OVOL2: variants seen among roughly 807,000 people sequenced by gnomAD.
OVOL2 encodes the protein transcription factor Ovo-like 2.
Under a neutral mutation model 18.1 loss-of-function variants are expected in OVOL2, and 13 were observed. That is an observed-to-expected ratio of 0.72 (90% CI 0.47 to 1.14). The LOEUF (loss-of-function observed/expected upper bound fraction) is 1.14. OVOL2 is among the 50% of genes most tolerant of loss of function. OVOL2 has a pLI of 0.00. For synonymous variants in OVOL2, 166 were observed against 162.7 expected (o/e 1.02, Z -0.16); for missense variants, 335 against 383.0 (o/e 0.87, Z 1.05).
At position 18,056,698 on chromosome 20, in the gene OVOL2, G is replaced by T; in HGVS notation, c.280C>A (p.Leu94Met). The stretch of plus-strand genomic sequence containing the variant: ...GCGACCGGGCGCTGCTTGGTCGCCA[G>T]GTGTCCATCGGGGCCCTCGGCGTCG... ...PGDAEGPDGH[L>M]ATKQRPVARS... The change falls in exon 2 of 4, where the codon CTG (leucine) becomes ATG (methionine). Residue 94 changes from leucine (L) to methionine (M), a missense_variant. Transcript: ENST00000278780. This position sits in a 1 kb window ranked among gnomAD's most constrained non-coding sequence, Gnocchi z 4.2. 1 of 1,452,324 alleles carries T rather than the reference G, an allele frequency of 6.9e-7. No homozygotes were observed. 90.0% of individuals were successfully genotyped at this position (1,452,324 alleles called of 1,614,324 possible). A position where few individuals can be genotyped will look rare whatever the true frequency, so the allele number is the denominator to read the frequency against.
At chr20:18,042,727 GATCGGGCTATTGC>G (rs140617927) in intron 2 of OVOL2, among the ~76,000 whole-genome samples, 9,024 of 142,070 alleles carry the variant, frequency 0.064, 335 homozygotes, top group African/African-American at 0.092. Flanking sequence ...GGTGAGCCAA[GATCGGGCTATTGC>G]ATCCAGCCTG....
intron 3 of OVOL2, among the ~76,000 whole-genome samples, chr20:18,032,802 T>G (rs1053843132): frequency 6.6e-6 from 1 of 152,100 alleles, no homozygotes; most frequent in Non-Finnish European, 1.5e-5. Flanking sequence ...CCACCGCACC[T>G]AGCTCCAAGA....
At position 18,057,901 on chromosome 20, in the gene OVOL2, A is replaced by G. The variant is rs1238524503; in HGVS notation, c.-267T>C. 1.5e-6 allele frequency: 2 copies of G among 1,304,364 alleles called. No homozygotes were observed. The highest frequency in any genetic ancestry group is 1.9e-6 in the Non-Finnish European group (2 of 1,029,992). 80.8% of individuals were successfully genotyped at this position (1,304,364 alleles called of 1,614,324 possible). A position where few individuals can be genotyped will look rare whatever the true frequency, so the allele number is the denominator to read the frequency against. On this transcript the variant is annotated 5_prime_UTR_variant, in exon 1 of 4. Coordinates refer to ENST00000278780, the MANE Select transcript of OVOL2 (RefSeq NM_021220.4). The surrounding 1 kb of genome is among the most constrained non-coding windows in gnomAD (Gnocchi z 6.3). ...AAAGTTTCATAAGGTGGAATAGAAA[A>G]GGCACCAGGAAACTTGGGACTGAGC...
intron 3 of OVOL2, among the ~76,000 whole-genome samples, chr20:18,028,159 T>G (rs1420032379): frequency 6.6e-6 from 1 of 151,938 alleles, no homozygotes; most frequent in Non-Finnish European, 1.5e-5. Context: ...GAAGCTGTAG[T>G]TTTATTTTTA....
intron 2 of OVOL2, among the ~76,000 whole-genome samples, chr20:18,043,763 C>A (rs1009294088): frequency 6.6e-6 from 1 of 152,192 alleles, no homozygotes; most frequent in African/African-American, 2.4e-5. Flanking sequence ...CTTTCTACCA[C>A]CTTCGCTGCT....
chr20:18,041,525 C>T lies in OVOL2; in HGVS notation c.511+9G>A. Reference sequence around the variant, plus strand: ...AAAACAGAGAACAAAGCACGCACTCCCCGCTCACCTGTGTGTGTGCGGACG... The same window carrying T: ...AAAACAGAGAACAAAGCACGCACTCTCCGCTCACCTGTGTGTGTGCGGACG... On this transcript the variant is annotated intron_variant, in intron 3 of 3. Transcript: ENST00000278780. The T allele has an allele frequency of 6.2e-7, 1 of 1,601,690 alleles. No homozygotes were observed.
intron 3 of OVOL2, among the ~76,000 whole-genome samples, chr20:18,038,016 C>T (rs528189035): frequency 9.8e-4 from 149 of 152,340 alleles, no homozygotes; most frequent in Non-Finnish European, 1.5e-3. Flanking sequence ...CATCCTTCAA[C>T]GCCCAGCTGA....
chr20:18,027,045 C>T (rs914578456), intron 3 of OVOL2, among the ~76,000 whole-genome samples: 1 of 152,114 alleles, frequency 6.6e-6, no homozygotes, highest in Non-Finnish European at 1.5e-5. Context: ...CAAATCTCAG[C>T]ATCATGCAAT....
chr20:18,043,325 G>C (rs547160512), intron 2 of OVOL2, among the ~76,000 whole-genome samples: 1 of 152,360 alleles, frequency 6.6e-6, no homozygotes, highest in African/African-American at 2.4e-5. Context: ...CTTATGACCA[G>C]TTGGATCAAC....
intron 2 of OVOL2, among the ~76,000 whole-genome samples, chr20:18,042,272 G>A (rs1290237767): frequency 6.6e-6 from 1 of 152,060 alleles, no homozygotes; most frequent in Non-Finnish European, 1.5e-5. Flanking sequence ...ACTTCTAGCT[G>A]GGCATACTGT....
chr20:18,040,875 A>C (rs1449741794), intron 3 of OVOL2, among the ~76,000 whole-genome samples: 1 of 152,198 alleles, frequency 6.6e-6, no homozygotes, highest in Non-Finnish European at 1.5e-5. Context: ...AGAAGTATAA[A>C]ATACTCATTG....
chr20:18,035,993 A>G (rs2122701157), intron 3 of OVOL2, among the ~76,000 whole-genome samples: 1 of 152,330 alleles, frequency 6.6e-6, no homozygotes, highest in Non-Finnish European at 1.5e-5. Flanking sequence ...TAAAATCCAT[A>G]TTAAAAATTG....
intron 2 of OVOL2, among the ~76,000 whole-genome samples, chr20:18,052,396 C>A (rs975621473): frequency 6.6e-6 from 1 of 152,092 alleles, no homozygotes; most frequent in Non-Finnish European, 1.5e-5. Flanking sequence ...TGGGTGTGAT[C>A]ATGAATTTTG....
At chr20:18,055,641 G>A (rs1036150477) in intron 2 of OVOL2, among the ~76,000 whole-genome samples, 2 of 152,202 alleles carry the variant, frequency 1.3e-5, no homozygotes, top group African/African-American at 4.8e-5. Flanking sequence ...ACCTCTCCCA[G>A]GAAAATGAGG....
intron 3 of OVOL2, among the ~76,000 whole-genome samples, chr20:18,033,139 C>T (rs184256685): frequency 2.4e-4 from 37 of 152,346 alleles, no homozygotes; most frequent in Admixed American, 1.6e-3. Context: ...TCTAGTCAAT[C>T]CTTCCCTTTG....
intron 3 of OVOL2, among the ~76,000 whole-genome samples, chr20:18,034,723 A>T (rs1215015726): frequency 1.3e-5 from 2 of 151,622 alleles, no homozygotes. Flanking sequence ...AAGAAGTCCT[A>T]ATCTTTTCTT....
chr20:18,026,993 G>A (rs1356040260), intron 3 of OVOL2, among the ~76,000 whole-genome samples: 2 of 152,094 alleles, frequency 1.3e-5, no homozygotes, highest in African/African-American at 4.8e-5. Flanking sequence ...CTCCCCATTG[G>A]GTACTACGCG....
chr20:18,057,771 C>T lies in OVOL2; in HGVS notation c.-137G>A. Reference sequence around the variant, plus strand: ...TCGCCTGCCCTCTTCCTCCACCCCCCGCCGCGGCGCGGCCCAGGCCTCTCC... The same window carrying T: ...TCGCCTGCCCTCTTCCTCCACCCCCTGCCGCGGCGCGGCCCAGGCCTCTCC... On this transcript the variant is annotated 5_prime_UTR_variant, in exon 1 of 4. Transcript: ENST00000278780. The surrounding 1 kb of genome is among the most constrained non-coding windows in gnomAD (Gnocchi z 6.3). 1 of 1,409,790 alleles carries T rather than the reference C, an allele frequency of 7.1e-7. No homozygotes were observed. The highest frequency in any genetic ancestry group is 9.2e-7 in the Non-Finnish European group (1 of 1,090,266). 87.3% of individuals were successfully genotyped at this position (1,409,790 alleles called of 1,614,324 possible).
At chr20:18,035,325 C>T (rs1288883539) in intron 3 of OVOL2, among the ~76,000 whole-genome samples, 1 of 152,136 alleles carries the variant, frequency 6.6e-6, no homozygotes, top group Non-Finnish European at 1.5e-5. Context: ...GTGGCATGTG[C>T]CTATAATCCC....
Sources: allele counts gnomAD v4.1 joint callset (sites outside exome capture counted in the v4.1 genomes callset), GRCh38; gene constraint gnomAD v4.1.1; non-coding constraint Gnocchi (gnomAD v3.1); transcripts MANE v1.5; gene names NCBI Gene and HGNC (gene_info 2026-07-23, HGNC 2026-07-21).